Variants in FYTTD1 observed in about 807,000 individuals in gnomAD.
The protein encoded by FYTTD1 is UAP56-interacting factor.
FYTTD1 carries 22 observed loss-of-function variants against 40.9 expected under a neutral mutation model. The ratio of observed to expected loss-of-function variants is 0.54; its 90% CI spans 0.38 to 0.77. The LOEUF (loss-of-function observed/expected upper bound fraction) is 0.77. Ranked by LOEUF, FYTTD1 falls within the 30% of genes least tolerant of loss-of-function variation. FYTTD1 has a pLI of 0.00. For synonymous variants in FYTTD1, 140 were observed against 137.9 expected (o/e 1.01, Z -0.10); for missense variants, 351 against 392.2 (o/e 0.90, Z 0.89).
chr3:197,758,826 G>T (rs1042534058), intron 2 of FYTTD1, among the ~76,000 whole-genome samples: 6 of 152,242 alleles, frequency 3.9e-5, no homozygotes, highest in African/African-American at 9.6e-5. Flanking sequence ...TGTCAATGAG[G>T]ATGTTAGCTT....
rs549370175 is a variant in FYTTD1 at position 197,764,280 on chromosome 3, G to A, written c.236-4159G>A. On this transcript the variant is annotated intron_variant, in intron 2 of 8. Coordinates refer to ENST00000241502, the MANE Select transcript of FYTTD1 (RefSeq NM_032288.7). ...GAAGGGGAGATAATTGGGGCAGTAT[G>A]TATACATTTTTCTTACTTTATGTAA... Among the ~76,000 whole-genome samples, 277 of 152,296 alleles carry A rather than the reference G, an allele frequency of 1.8e-3. 1 individual carries two copies. Among genetic ancestry groups the A allele is most frequent in the African/African-American group, 6.4e-3 (267 of 41,562 alleles).
At chr3:197,765,073 G>A (rs539272380) in intron 2 of FYTTD1, among the ~76,000 whole-genome samples, 17 of 151,956 alleles carry the variant, frequency 1.1e-4, no homozygotes, top group African/African-American at 1.9e-4. Flanking sequence ...GGCTGGTCTC[G>A]AACTCCTGAC....
At chr3:197,753,423 T>A (rs1315894129) in intron 1 of FYTTD1, among the ~76,000 whole-genome samples, 1 of 152,058 alleles carries the variant, frequency 6.6e-6, no homozygotes, top group Non-Finnish European at 1.5e-5. Flanking sequence ...CTGGTGCCTG[T>A]GCTGTAGTAC....
Position 197,756,561 on chromosome 3 carries a change from A to G in FYTTD1, c.235+4A>G. The G allele has an allele frequency of 6.2e-7, 1 of 1,612,942 alleles. No homozygotes were observed. The highest frequency in any genetic ancestry group is 8.5e-7 in the Non-Finnish European group (1 of 1,178,932). ...TGGGGAATCCAACAGAATTCTGGTAAGTTTTGAAAGTAAGCTTTAATGGAA... is the reference window on the plus strand; with the variant it reads ...TGGGGAATCCAACAGAATTCTGGTAGGTTTTGAAAGTAAGCTTTAATGGAA... On this transcript the variant is annotated splice_donor_region_variant and intron_variant, in intron 2 of 8. Transcript: ENST00000241502.
intron 8 of FYTTD1, among the ~76,000 whole-genome samples, chr3:197,778,681 A>G (rs982251791): frequency 6.6e-6 from 1 of 152,188 alleles, no homozygotes; most frequent in African/African-American, 2.4e-5. Context: ...TTCACTTAGC[A>G]TAATGTTTTA....
rs904982133 is a variant in FYTTD1, at chr3:197,787,400, G to C, written c.*5491G>C. 1 of 152,316 alleles carries C rather than the reference G, an allele frequency of 6.6e-6. No homozygotes were observed. Among genetic ancestry groups the C allele is most frequent in the South Asian group, 2.1e-4 (1 of 4,832 alleles). 9.4% of individuals were successfully genotyped at this position (152,316 alleles called of 1,614,324 possible). Reference sequence around the variant, plus strand: ...ATTACAGGCATGAGCTACGGAGCCCGGCCTAGAAGTGGAGTCTTAGAAGGA... The same window carrying C: ...ATTACAGGCATGAGCTACGGAGCCCCGCCTAGAAGTGGAGTCTTAGAAGGA... On this transcript the variant is annotated 3_prime_UTR_variant, in exon 9 of 9. Coordinates refer to ENST00000241502, the MANE Select transcript of FYTTD1 (RefSeq NM_032288.7).
At position 197,776,017 on chromosome 3, in the gene FYTTD1, A is replaced by G. The variant is rs1176359779; in HGVS notation, c.657-910A>G. Among the ~76,000 whole-genome samples, 4 of 152,126 alleles carry G rather than the reference A, an allele frequency of 2.6e-5. No individual in the cohort carries two copies. The East Asian group carries it at 7.7e-4, about 29-fold the overall frequency. ...AAAGGAGCAGAGGTGGAGGGAAGGA[A>G]TAGAGGCACTATTATCCTTTCACAT... On this transcript the variant is annotated intron_variant, in intron 6 of 8. Transcript: ENST00000241502.
At position 197,756,446 on chromosome 3, in the gene FYTTD1, C is replaced by A. The variant is rs1228690844; in HGVS notation, c.124C>A (p.Arg42=). The stretch of plus-strand genomic sequence containing the variant: ...CATAGATGATATCATCAAGTTGAAT[C>A]GAAAGGAAGGGAAGAAGCAGAATTT... ...MSLDDIIKLN[R]KEGKKQNFPR... The change falls in exon 2 of 9, where the codon CGA becomes AGA. Residue 42 remains arginine (R), a synonymous_variant. Coordinates refer to ENST00000241502, the MANE Select transcript of FYTTD1 (RefSeq NM_032288.7). 2 of 1,603,820 alleles carry A rather than the reference C, an allele frequency of 1.2e-6. No individual in the cohort carries two copies. Among genetic ancestry groups the A allele is most frequent in the East Asian group, 4.5e-5 (2 of 44,820 alleles).
At chr3:197,773,959 G>C (rs1729795654) in intron 5 of FYTTD1, among the ~76,000 whole-genome samples, 190 bp from the exon 6 acceptor site, 1 of 151,950 alleles carries the variant, frequency 6.6e-6, no homozygotes, top group African/African-American at 2.4e-5. Flanking sequence ...GGAATTTCTA[G>C]AATAGCGCGG....
chr3:197,754,586 G>C (rs1286729458), intron 1 of FYTTD1, among the ~76,000 whole-genome samples: 7 of 148,834 alleles, frequency 4.7e-5, no homozygotes, highest in Non-Finnish European at 7.4e-5. Context: ...CAATTTCTTT[G>C]TTTTATTTGC....
Position 197,778,469 on chromosome 3 carries a change from A to C in FYTTD1, c.858+5A>C. 6.3e-7 allele frequency: 1 copy of C among 1,589,796 alleles called. No homozygotes were observed. Among genetic ancestry groups the C allele is most frequent in the Non-Finnish European group, 8.6e-7 (1 of 1,166,606 alleles). ...ATAAACAGTGTCGGAAAACAGGTAAAAAAACGTTTTCTGTATTTTCTTGGG... is the reference window on the plus strand; with the variant it reads ...ATAAACAGTGTCGGAAAACAGGTAACAAAACGTTTTCTGTATTTTCTTGGG... On this transcript the variant is annotated splice_donor_5th_base_variant and intron_variant, in intron 8 of 8. Coordinates refer to ENST00000241502, the MANE Select transcript of FYTTD1 (RefSeq NM_032288.7).
chr3:197,776,973 G>A lies in FYTTD1; in HGVS notation c.703G>A (p.Asp235Asn). Reference sequence around the variant, plus strand: ...TGGAGGGATTTTGACTGTATCTATTGACAATCCTGGAGCAGTGCAATGCCC... The same window carrying A: ...TGGAGGGATTTTGACTGTATCTATTAACAATCCTGGAGCAGTGCAATGCCC... ...TNGGILTVSI[D>N]NPGAVQCPVT... Residue 235 changes from aspartate to asparagine, a missense_variant, in exon 7 of 9, where the codon GAC becomes AAC. Coordinates refer to ENST00000241502, the MANE Select transcript of FYTTD1 (RefSeq NM_032288.7). The A allele has an allele frequency of 2.5e-6, 4 of 1,611,550 alleles. No individual in the cohort carries two copies. Among genetic ancestry groups the A allele is most frequent in the Non-Finnish European group, 3.4e-6 (4 of 1,178,272 alleles).
intron 2 of FYTTD1, among the ~76,000 whole-genome samples, chr3:197,765,821 C>G (rs1258836710): frequency 6.6e-6 from 1 of 151,970 alleles, no homozygotes; most frequent in African/African-American, 2.4e-5. Context: ...ACAGCGAAAC[C>G]CTGTCTCTAC....
intron 2 of FYTTD1, among the ~76,000 whole-genome samples, chr3:197,761,493 G>T (rs1218463086): frequency 1.3e-5 from 2 of 151,980 alleles, no homozygotes; most frequent in African/African-American, 4.8e-5. Context: ...TTCAGTGGTA[G>T]AATGTATAGA....
chr3:197,762,791 A>C (rs1580453011), intron 2 of FYTTD1, among the ~76,000 whole-genome samples: 2 of 152,102 alleles, frequency 1.3e-5, no homozygotes, highest in African/African-American at 4.8e-5. Flanking sequence ...CTGAGGCAGG[A>C]GAAAGGTGTG....
At chr3:197,754,066 T>C (rs1386367168) in intron 1 of FYTTD1, among the ~76,000 whole-genome samples, 2 of 152,126 alleles carry the variant, frequency 1.3e-5, no homozygotes, top group Non-Finnish European at 2.9e-5. Flanking sequence ...AGATGAACTT[T>C]GTTAGTCAGA....
chr3:197,779,709 C>T (rs969544162), intron 8 of FYTTD1, among the ~76,000 whole-genome samples: 1 of 150,492 alleles, frequency 6.6e-6, no homozygotes, highest in Non-Finnish European at 1.5e-5. Context: ...GATTCAGGCA[C>T]ACACACCACC....
chr3:197,769,157 G>A (rs1729637173), intron 3 of FYTTD1, among the ~76,000 whole-genome samples: 1 of 151,594 alleles, frequency 6.6e-6, no homozygotes, highest in East Asian at 1.9e-4. Context: ...GTGCAATCTC[G>A]GCTCACTGCA....
chr3:197,778,514 AT>A, intron 8 of FYTTD1, 50 bp downstream of exon 8: 1 of 1,326,184 alleles, frequency 7.5e-7, no homozygotes, highest in Non-Finnish European at 1.1e-6. Context: ...GAGTATTTTA[AT>A]TAACAAAGTA....
Sources: allele counts gnomAD v4.1 joint callset (sites outside exome capture counted in the v4.1 genomes callset), GRCh38; gene constraint gnomAD v4.1.1; transcripts MANE v1.5; gene names NCBI Gene and HGNC (gene_info 2026-07-23, HGNC 2026-07-21).